ADGRV1: variants seen among roughly 807,000 people sequenced by gnomAD.
ADGRV1 encodes the protein adhesion G protein-coupled receptor V1.
ADGRV1 carries 359 observed loss-of-function variants against 596.2 expected under a neutral mutation model. The ratio of observed to expected loss-of-function variants is 0.60; its 90% CI spans 0.55 to 0.66. The LOEUF (loss-of-function observed/expected upper bound fraction) is 0.66. Among genes scored for constraint, ADGRV1 ranks in the 30% least tolerant of loss-of-function variants. ADGRV1 has a pLI of 0.00. For synonymous variants in ADGRV1, 2,681 were observed against 2,679.2 expected (o/e 1.00, Z -0.02); for missense variants, 7,274 against 7,575.6 (o/e 0.96, Z 1.48).
intron 83 of ADGRV1, among the ~76,000 whole-genome samples, chr5:90,917,375 A>G (rs1581505222): frequency 6.6e-6 from 1 of 152,326 alleles, no homozygotes; most frequent in East Asian, 1.9e-4. Context: ...TTCTAATTTA[A>G]GTGACTTTTT....
intron 82 of ADGRV1, among the ~76,000 whole-genome samples, chr5:90,858,426 T>C (rs1767235625): frequency 6.6e-6 from 1 of 152,236 alleles, no homozygotes; most frequent in Non-Finnish European, 1.5e-5. Flanking sequence ...CTATTGGTTA[T>C]GCTACTGCAT....
At chr5:91,087,152 T>A (rs1789946670) in intron 86 of ADGRV1, among the ~76,000 whole-genome samples, 1 of 152,202 alleles carries the variant, frequency 6.6e-6, no homozygotes, top group Non-Finnish European at 1.5e-5. Flanking sequence ...CTGATAATCA[T>A]CAATAGGAAG....
chr5:90,663,439 G>T (rs1021394160), intron 21 of ADGRV1, among the ~76,000 whole-genome samples: 1 of 150,022 alleles, frequency 6.7e-6, no homozygotes, highest in African/African-American at 2.5e-5. Context: ...CATGTCCTTC[G>T]CCCACTTTTT....
chr5:90,674,533 A>C (rs778344359), intron 23 of ADGRV1: 31 of 204,004 alleles, frequency 1.5e-4, no homozygotes, highest in Middle Eastern at 1.9e-3. Context: ...TAATTATCCT[A>C]TGGTGATTTG....
chr5:91,062,797 G>A (rs767407225), intron 85 of ADGRV1, among the ~76,000 whole-genome samples: 5 of 151,862 alleles, frequency 3.3e-5, no homozygotes, highest in Non-Finnish European at 7.4e-5. Flanking sequence ...GGTTCTTCAG[G>A]CTGTTGTGAC....
At chr5:90,578,597 G>A (rs890550297) in intron 1 of ADGRV1, among the ~76,000 whole-genome samples, 50 of 152,300 alleles carry the variant, frequency 3.3e-4, no homozygotes, top group African/African-American at 1.2e-3. Flanking sequence ...TCTCTGCCAG[G>A]CTTTGGTATC....
intron 29 of ADGRV1, among the ~76,000 whole-genome samples, chr5:90,688,052 G>T (rs182483433): frequency 0.012 from 1,789 of 152,132 alleles, 16 homozygotes; most frequent in Middle Eastern, 0.044. Flanking sequence ...CTACTTTAAA[G>T]TTCATATGGA....
chr5:91,082,225 C>A (rs937014739), intron 86 of ADGRV1, among the ~76,000 whole-genome samples: 2 of 152,202 alleles, frequency 1.3e-5, no homozygotes, highest in African/African-American at 4.8e-5. Flanking sequence ...ATTAATGAAA[C>A]ATTCCCATTG....
At chr5:90,996,264 T>G (rs1460324870) in intron 85 of ADGRV1, among the ~76,000 whole-genome samples, 1 of 152,212 alleles carries the variant, frequency 6.6e-6, no homozygotes, top group South Asian at 2.1e-4. Context: ...TGGGCCAGGC[T>G]CAGAGCCCCA....
intron 85 of ADGRV1, among the ~76,000 whole-genome samples, chr5:91,045,063 C>T (rs532472421): frequency 6.6e-5 from 10 of 152,026 alleles, no homozygotes; most frequent in Non-Finnish European, 1.5e-4. Flanking sequence ...ATGCATGAAA[C>T]ACAGCCTGAG....
Position 90,998,594 on chromosome 5 carries a change from C to T in ADGRV1, c.18152+13072C>T, listed in dbSNP as rs185954080. Reference sequence around the variant, plus strand: ...TTTTATCATTGTTGTGATGAATATCCATATATAGGTATCTTTGTACACTTA... The same window carrying T: ...TTTTATCATTGTTGTGATGAATATCTATATATAGGTATCTTTGTACACTTA... On this transcript the variant is annotated intron_variant, in intron 85 of 89. Coordinates refer to ENST00000405460, the MANE Select transcript of ADGRV1 (RefSeq NM_032119.4). 2.0e-5 allele frequency among the ~76,000 whole-genome samples: 3 copies of T among 151,938 alleles called. No homozygotes were observed. In the East Asian group the frequency reaches 5.8e-4, roughly 29 times the overall value.
Position 90,774,686 on chromosome 5 carries a change from T to TA in ADGRV1, c.12403+384dup, listed in dbSNP as rs1322847164. 1.1e-4 allele frequency among the ~76,000 whole-genome samples: 17 copies of TA among 152,288 alleles called. No homozygotes were observed. The East Asian group carries it at 3.3e-3, about 29-fold the overall frequency. On this transcript the variant is annotated intron_variant, in intron 60 of 89. Coordinates refer to ENST00000405460, the MANE Select transcript of ADGRV1 (RefSeq NM_032119.4). ...TGACATAACAGGAAAAACTCTCAAT[T>TA]ACATTAAAAATTAAGAACACATAAT... is the stretch of plus-strand genomic sequence containing the variant.
intron 85 of ADGRV1, among the ~76,000 whole-genome samples, chr5:91,012,444 C>T (rs1271110069): frequency 6.6e-6 from 1 of 151,830 alleles, no homozygotes; most frequent in Non-Finnish European, 1.5e-5. Flanking sequence ...GTTCCATGAC[C>T]TTCTAGAAGC....
chr5:90,823,549 A>G lies in ADGRV1; in HGVS notation c.16321A>G (p.Met5441Val), dbSNP rs1265127867. The change falls in exon 76 of 90, where the codon ATG becomes GTG. Residue 5441 changes from methionine to valine, a missense_variant. Physicochemically the swap from Met to Val is conservative, Grantham distance 21. Coordinates refer to ENST00000405460, the MANE Select transcript of ADGRV1 (RefSeq NM_032119.4). ...TGTGTCAGGGACCACAACCTGTACA[A>G]TGGGTCAAACAAAATGCTTTATCAG... ...QSVSGTTTCT[M>V]GQTKCFISIE... is the part of the protein sequence containing the mutation. The G allele has an allele frequency of 6.2e-7, 1 of 1,613,866 alleles. No individual in the cohort carries two copies. The highest frequency in any genetic ancestry group is 2.2e-5 in the East Asian group (1 of 44,884).
chr5:90,670,310 G>T (rs1033502797), intron 21 of ADGRV1, among the ~76,000 whole-genome samples: 3 of 152,198 alleles, frequency 2.0e-5, no homozygotes, highest in Admixed American at 2.0e-4. Context: ...AATCAGAGGT[G>T]TTTCTGAAGG....
rs1410904956 is a variant in ADGRV1, at chr5:90,791,116, G to C, written c.14287G>C (p.Val4763Leu). ...SVYANDDPHG[V>L]FALYSDRQSI... is the part of the protein sequence containing the mutation. ...TTATGCAAATGATGACCCACATGGA[G>C]TATTTGCCCTGTATTCGGATCGCCA... The change falls in exon 70 of 90, where the codon GTA becomes CTA. Residue 4763 changes from valine to leucine, a missense_variant. Val to Leu is a conservative substitution (Grantham distance 32, BLOSUM62 1). Around this residue, in one of 5 missense-constraint regions of ADGRV1, gnomAD observed 1,874 missense variants for 1,970.2 expected, o/e 0.95. Coordinates refer to ENST00000405460, the MANE Select transcript of ADGRV1 (RefSeq NM_032119.4). 1 of 1,613,908 alleles carries C rather than the reference G, an allele frequency of 6.2e-7. No homozygotes were observed. The highest frequency in any genetic ancestry group is 8.5e-7 in the Non-Finnish European group (1 of 1,179,838).
Position 90,790,940 on chromosome 5 carries a change from C to T in ADGRV1, c.14111C>T (p.Thr4704Ile), listed in dbSNP as rs1561739330. The change falls in exon 70 of 90, where the codon ACC becomes ATC. Residue 4704 changes from threonine to isoleucine, a missense_variant. Coordinates refer to ENST00000405460, the MANE Select transcript of ADGRV1 (RefSeq NM_032119.4). ...TTTCTTTCCACCAGTGGATTTTTCA[C>T]CATTGCTGATGGAGAGAGTGAAGCT... ...EDFLSTSGFF[T>I]IADGESEASF... is the part of the protein sequence containing the mutation. 2 of 1,612,424 alleles carry T rather than the reference C, an allele frequency of 1.2e-6. No individual in the cohort carries two copies. The highest frequency in any genetic ancestry group is 4.0e-4 in the Middle Eastern group (2 of 4,998).
rs185870687 is a variant in ADGRV1, at chr5:90,694,979, G to A, written c.7945+278G>A. Among the ~76,000 whole-genome samples the A allele has an allele frequency of 7.2e-5, 11 of 152,200 alleles. No individual in the cohort carries two copies. The East Asian group carries it at 2.1e-3, about 29-fold the overall frequency. On this transcript the variant is annotated intron_variant, in intron 33 of 89. Coordinates refer to ENST00000405460, the MANE Select transcript of ADGRV1 (RefSeq NM_032119.4). ...CTTTATGTTTGATAGTAGTGTCTTTGACAAAGCACAGAGGAAACTATAAGG... is the reference window on the plus strand; with the variant it reads ...CTTTATGTTTGATAGTAGTGTCTTTAACAAAGCACAGAGGAAACTATAAGG...
chr5:90,859,460 T>C (rs1004952675), intron 82 of ADGRV1, among the ~76,000 whole-genome samples: 13 of 152,168 alleles, frequency 8.5e-5, no homozygotes, highest in Non-Finnish European at 1.6e-4. Flanking sequence ...TGAGATGGTG[T>C]CTCTCTCTGT....
Sources: allele counts gnomAD v4.1 joint callset (sites outside exome capture counted in the v4.1 genomes callset), GRCh38; gene constraint gnomAD v4.1.1; regional missense constraint gnomAD v4.1.1; transcripts MANE v1.5; gene names NCBI Gene and HGNC (gene_info 2026-07-23, HGNC 2026-07-21).